Variants in SP110 observed in about 807,000 individuals in gnomAD.
SP110 encodes the protein SP110 nuclear body protein.
SP110 carries 62 observed loss-of-function variants against 92.7 expected under a neutral mutation model. That is an observed-to-expected ratio of 0.67 (90% CI 0.55 to 0.83). The LOEUF (loss-of-function observed/expected upper bound fraction) is 0.83, where lower values mean the gene tolerates loss of function less well. SP110 is among the 40% of genes least tolerant of loss of function. The pLI, the probability that SP110 is intolerant of heterozygous loss-of-function variation, is 0.00. For missense variants in SP110, 793 were observed against 863.9 expected (o/e 0.92, Z 1.03); for synonymous variants, 273 against 305.3 (o/e 0.89, Z 1.10).
rs1319805073 is a variant in SP110, at chr2:230,211,454, A to C, written c.751+16T>G. 2.6e-6 allele frequency: 4 copies of C among 1,531,234 alleles called. No individual in the cohort carries two copies. In the Admixed American group the frequency reaches 6.7e-5, roughly 26 times the overall value. 94.9% of individuals were successfully genotyped at this position (1,531,234 alleles called of 1,614,324 possible). ...GAAACAAAGGCAAGCTTTTAGGTTG[A>C]CCAAACCAAGATTACCTGGCATAGA... is the stretch of plus-strand genomic sequence containing the variant. On this transcript the variant is annotated intron_variant, in intron 6 of 18. Transcript: ENST00000258381. The surrounding 1 kb of genome is among the most constrained non-coding windows in gnomAD (Gnocchi z 4.2).
chr2:230,179,748 T>C (rs919178), intron 12 of SP110, among the ~76,000 whole-genome samples: 66,832 of 151,188 alleles, frequency 0.44, 15,296 homozygotes, highest in African/African-American at 0.57. Flanking sequence ...CTGTGGTGAA[T>C]ATAGCTTTAG....
chr2:230,169,605 G>T (rs1574582906), intron 18 of SP110, among the ~76,000 whole-genome samples: 1 of 152,178 alleles, frequency 6.6e-6, no homozygotes, highest in Admixed American at 6.5e-5. Flanking sequence ...TTACAGATGT[G>T]AGTCACCATG....
chr2:230,208,268 G>T (rs1173643558), intron 7 of SP110, among the ~76,000 whole-genome samples: 1 of 152,216 alleles, frequency 6.6e-6, no homozygotes, highest in Non-Finnish European at 1.5e-5. Context: ...GAGACAGGGA[G>T]TTTAGGTAGC....
chr2:230,172,901 C>T lies in SP110; in HGVS notation c.1649G>A (p.Gly550Asp), dbSNP rs761714428. 5.6e-6 allele frequency: 9 copies of T among 1,614,072 alleles called. No individual in the cohort carries two copies. The highest frequency in any genetic ancestry group is 1.7e-5 in the Admixed American group (1 of 60,010). ...CCQGGQLLCC[G>D]TCPRVFHEDC... ...CTCATGGAAGACTCGTGGACAAGTA[C>T]CGCAGCAGAGAAGTTGTCCCCCTTG... The change falls in exon 15 of 19, where the codon GGT (glycine) becomes GAT (aspartate). Residue 550 changes from glycine to aspartate, a missense_variant. Transcript: ENST00000258381.
In SP110 at chr2:230,211,511, T is replaced by A; in HGVS notation, c.710A>T (p.Asp237Val). The change falls in exon 6 of 19, where the codon GAC becomes GTC. Residue 237 changes from aspartate to valine, a missense_variant. Asp to Val is a radical substitution (Grantham distance 152). Coordinates refer to ENST00000258381, the MANE Select transcript of SP110 (RefSeq NM_080424.4). The surrounding 1 kb of genome is among the most constrained non-coding windows in gnomAD (Gnocchi z 4.2). ...GGGAGAGTGGGGCATCTCTTGAGGGTCTTCTTTATCTCTTATTTGGGGGAT... is the reference window on the plus strand; with the variant it reads ...GGGAGAGTGGGGCATCTCTTGAGGGACTTCTTTATCTCTTATTTGGGGGAT... Reference protein sequence around the residue: ...NLIPQIRDKEDPQEMPHSPLG... With the variant: ...NLIPQIRDKEVPQEMPHSPLG... 6.2e-7 allele frequency: 1 copy of A among 1,612,326 alleles called. No homozygotes were observed. Among genetic ancestry groups the A allele is most frequent in the Non-Finnish European group, 8.5e-7 (1 of 1,178,372 alleles).
At chr2:230,200,300 T>C (rs2043073139) in intron 10 of SP110, among the ~76,000 whole-genome samples, 1 of 152,200 alleles carries the variant, frequency 6.6e-6, no homozygotes, top group South Asian at 2.1e-4. Flanking sequence ...GATAGTGTTA[T>C]CAACTTACTC....
chr2:230,201,255 G>C (rs941657900), intron 9 of SP110, among the ~76,000 whole-genome samples: 1 of 152,208 alleles, frequency 6.6e-6, no homozygotes, highest in African/African-American at 2.4e-5. Flanking sequence ...CTCAAAGTAA[G>C]GTCTGTGAGC....
Position 230,211,728 on chromosome 2 carries a change from A to G in SP110, c.668-175T>C, listed in dbSNP as rs2044502278. ...AGCAACCATTCACTCTCAATTAGCC[A>G]CTTGTTCTTCCATTGCTGTTAGCTT... On this transcript the variant is annotated intron_variant, in intron 5 of 18. Coordinates refer to ENST00000258381, the MANE Select transcript of SP110 (RefSeq NM_080424.4). The surrounding 1 kb of genome is among the most constrained non-coding windows in gnomAD (Gnocchi z 4.2). Among the ~76,000 whole-genome samples the G allele has an allele frequency of 6.6e-6, 1 of 152,188 alleles. No individual in the cohort carries two copies. The highest frequency in any genetic ancestry group is 2.4e-5 in the African/African-American group (1 of 41,448).
chr2:230,176,521 C>A, intron 14 of SP110: 1 of 1,563,810 alleles, frequency 6.4e-7, no homozygotes, highest in Non-Finnish European at 8.6e-7. Flanking sequence ...CTTCCCCATC[C>A]CAAATTAACT....
At position 230,166,422 on chromosome 2, in the gene SP110, A is replaced by C. The variant is rs1360690783; in HGVS notation, c.*2702T>G. On this transcript the variant is annotated 3_prime_UTR_variant, in exon 19 of 19. Coordinates refer to ENST00000258381, the MANE Select transcript of SP110 (RefSeq NM_080424.4). ...ATATTAAAAGGTAGAAAATTTTACA[A>C]GTTATTTTACCGAGGTAGGATAACC... is the stretch of plus-strand genomic sequence containing the variant. 6.6e-6 allele frequency among the ~76,000 whole-genome samples: 1 copy of C among 152,244 alleles called. No individual in the cohort carries two copies. The highest frequency in any genetic ancestry group is 6.5e-5 in the Admixed American group (1 of 15,280).
rs1291372365 is a variant in SP110, at chr2:230,216,856, G to C, written c.72C>G (p.Ala24=). 6.2e-7 allele frequency: 1 copy of C among 1,614,080 alleles called. No individual in the cohort carries two copies. Among genetic ancestry groups the C allele is most frequent in the Non-Finnish European group, 8.5e-7 (1 of 1,179,952 alleles). ...AGGGAAATGGCTTGTGTATGGCATAGGCGATCCCCAGCTTCTGGTGCATGA... is the reference window on the plus strand; with the variant it reads ...AGGGAAATGGCTTGTGTATGGCATACGCGATCCCCAGCTTCTGGTGCATGA... ...QHFMHQKLGI[A]YAIHKPFPFF... Residue 24 remains alanine (A), a synonymous_variant, in exon 2 of 19, where the codon GCC becomes GCG. Transcript: ENST00000258381.
chr2:230,181,885 A>G (rs1185729876), intron 12 of SP110, among the ~76,000 whole-genome samples: 1 of 152,230 alleles, frequency 6.6e-6, no homozygotes, highest in Non-Finnish European at 1.5e-5. Flanking sequence ...ATTGTGAAAG[A>G]CCTCGAAGCA....
chr2:230,215,216 C>T (rs561150915), intron 2 of SP110, 98 bp from the exon 3 acceptor site: 1 of 957,974 alleles, frequency 1.0e-6, no homozygotes, highest in Admixed American at 2.1e-5. Flanking sequence ...CTACCTTACT[C>T]TTTTAAGAAG....
intron 8 of SP110, among the ~76,000 whole-genome samples, chr2:230,204,540 T>A (rs1045377921): frequency 6.6e-6 from 1 of 152,166 alleles, no homozygotes; most frequent in Non-Finnish European, 1.5e-5. Context: ...CAATAATGAA[T>A]TCATAAACTA....
In SP110 at chr2:230,166,034, C is replaced by T. The variant is rs545984101; in HGVS notation, c.*3090G>A. 6.6e-6 allele frequency among the ~76,000 whole-genome samples: 1 copy of T among 151,996 alleles called. No homozygotes were observed. The highest frequency in any genetic ancestry group is 1.9e-4 in the East Asian group (1 of 5,166). On this transcript the variant is annotated 3_prime_UTR_variant, in exon 19 of 19. Transcript: ENST00000258381. The stretch of plus-strand genomic sequence containing the variant: ...TCAGCCTCTTGAGTAGCTGGGACTA[C>T]AGGCGCCCGCCACCACGCCTGGCTA...
In SP110 at chr2:230,177,624, A is replaced by C. The variant is rs2041925566; in HGVS notation, c.1504T>G (p.Phe502Val). The C allele has an allele frequency of 6.2e-7, 1 of 1,613,966 alleles. No individual in the cohort carries two copies. The highest frequency in any genetic ancestry group is 8.5e-7 in the Non-Finnish European group (1 of 1,179,964). The stretch of plus-strand genomic sequence containing the variant: ...TTCCTTCCTTTTCCTTCGACTTCAA[A>C]TTCATTTGGTGTTAACCAAGTTCCA... The part of the protein sequence containing the change: ...EDGTWLTPNE[F>V]EVEGKGRNAK... Residue 502 changes from phenylalanine to valine, a missense_variant, in exon 14 of 19, where the codon TTT becomes GTT. Physicochemically the swap from Phe to Val is conservative, Grantham distance 50 (BLOSUM62 -1). Coordinates refer to ENST00000258381, the MANE Select transcript of SP110 (RefSeq NM_080424.4).
rs556942851 is a variant in SP110 at position 230,225,176 on chromosome 2, C to T, written c.-64+359G>A. ...TTTTTTTCCCAGTCACCCCTGGCTG[C>T]TGTTGTAAAGTGCCCACATATTTGA... On this transcript the variant is annotated intron_variant, in intron 1 of 15. Transcript: ENST00000540870. 7.2e-5 allele frequency among the ~76,000 whole-genome samples: 11 copies of T among 152,316 alleles called. No individual in the cohort carries two copies. In the South Asian group the frequency reaches 1.7e-3, roughly 23 times the overall value.
chr2:230,172,715 C>T, intron 15 of SP110, 129 bp downstream of exon 15: 1 of 661,420 alleles, frequency 1.5e-6, no homozygotes. Context: ...CTCAGAGACC[C>T]AGAGAGGCCC....
upstream of SP110, chr2:230,221,773 CT>C: frequency 1.3e-6 from 2 of 1,515,946 alleles, no homozygotes; most frequent in Non-Finnish European, 1.8e-6. Flanking sequence ...GCAAGAACTT[CT>C]TCCTTTAGAT....
Sources: gnomAD v4.1 joint callset for allele counts (sites outside exome capture counted in the v4.1 genomes callset) on GRCh38, gnomAD v4.1.1 for gene constraint, Gnocchi (gnomAD v3.1) non-coding constraint, MANE v1.5 for transcripts, NCBI Gene and HGNC (gene_info 2026-07-23, HGNC 2026-07-21) for gene names.